SEC23A: variants seen among roughly 807,000 people sequenced by gnomAD.
SEC23A encodes protein transport protein Sec23A.
SEC23A carries 56 observed loss-of-function variants against 103.7 expected under a neutral mutation model. That is an observed-to-expected ratio of 0.54 (90% CI 0.44 to 0.67). The LOEUF (loss-of-function observed/expected upper bound fraction) is 0.67, where lower values mean the gene tolerates loss of function less well. SEC23A is among the 30% of genes least tolerant of loss of function. SEC23A has a pLI of 0.00. For synonymous variants in SEC23A, 281 were observed against 293.0 expected (o/e 0.96, Z 0.42); for missense variants, 784 against 936.4 (o/e 0.84, Z 2.12).
At chr14:39,091,192 C>T (rs1200019348) in intron 5 of SEC23A, 1 of 464,906 alleles carries the variant, frequency 2.2e-6, no homozygotes, top group Middle Eastern at 6.2e-4. Context: ...CTCTCTTAGC[C>T]TTCAGCATGA....
chr14:39,033,406 A>G (rs1445551200), intron 19 of SEC23A, 78 bp from the exon 20 acceptor site: 1 of 963,568 alleles, frequency 1.0e-6, no homozygotes, highest in African/African-American at 2.3e-5. Context: ...TTTAAAATAG[A>G]CAAGGAAATC....
At chr14:39,094,395 CACATATATATATATATATATATAT>C (rs1887793739) in intron 2 of SEC23A, among the ~76,000 whole-genome samples, 2 of 11,096 alleles carry the variant, frequency 1.8e-4, no homozygotes, top group African/African-American at 4.3e-4. Flanking sequence ...CACACACACA[CACATATATATATATATATATATAT>C]ATATATATAT....
chr14:39,061,918 G>C, intron 12 of SEC23A, 47 bp from the exon 13 acceptor site: 1 of 1,177,692 alleles, frequency 8.5e-7, no homozygotes, highest in South Asian at 1.2e-5. Flanking sequence ...TTACTATGCT[G>C]TTGTCATATA....
chr14:39,046,359 G>A (rs1349327404), intron 15 of SEC23A, among the ~76,000 whole-genome samples: 1 of 152,132 alleles, frequency 6.6e-6, no homozygotes, highest in Non-Finnish European at 1.5e-5. Context: ...TGTAATCTCA[G>A]CTACTCGGGA....
chr14:39,055,554 C>A (rs12882909), intron 13 of SEC23A, among the ~76,000 whole-genome samples: 2 of 151,796 alleles, frequency 1.3e-5, no homozygotes, highest in Non-Finnish European at 2.9e-5. Flanking sequence ...ATTACAGGCA[C>A]CTGCCACCAG....
rs1195135501 is a variant in SEC23A, at chr14:39,032,094, C to T, written c.*1145G>A. 1.3e-5 allele frequency: 2 copies of T among 152,552 alleles called. No individual in the cohort carries two copies. The highest frequency in any genetic ancestry group is 2.9e-5 in the Non-Finnish European group (2 of 68,004). The allele number at this position is 152,552 out of a possible 1,614,324, so 9.4% of individuals were successfully genotyped here. ...TGCAAGTACAATCATTAAAACTGTC[C>T]TCCTAAGCATATATCATAGCACCAC... On this transcript the variant is annotated 3_prime_UTR_variant, in exon 20 of 20. Coordinates refer to ENST00000307712, the MANE Select transcript of SEC23A (RefSeq NM_006364.4).
intron 1 of SEC23A, among the ~76,000 whole-genome samples, chr14:39,099,572 T>C (rs1231081552): frequency 6.6e-6 from 1 of 152,174 alleles, no homozygotes; most frequent in East Asian, 1.9e-4. Flanking sequence ...TGATAGTATA[T>C]AACAAAATGT....
intron 9 of SEC23A, 22 bp downstream of exon 9, chr14:39,074,392 AC>A: frequency 1.4e-6 from 2 of 1,437,200 alleles, no homozygotes; most frequent in South Asian, 1.1e-5. Context: ...AATTACAAAA[AC>A]TGTAAAAATT....
chr14:39,062,987 T>A (rs1886531136), intron 12 of SEC23A, among the ~76,000 whole-genome samples: 1 of 152,148 alleles, frequency 6.6e-6, no homozygotes, highest in African/African-American at 2.4e-5. Flanking sequence ...GCTAGACATC[T>A]AATTGCAAAA....
At position 39,038,284 on chromosome 14, in the gene SEC23A, A is replaced by G. The variant is rs113087747; in HGVS notation, c.2208+747T>C. 8.6e-3 allele frequency among the ~76,000 whole-genome samples: 1,316 copies of G among 152,200 alleles called. 7 individuals carry two copies. Among genetic ancestry groups the G allele is most frequent in the Non-Finnish European group, 0.013 (900 of 68,022 alleles). On this transcript the variant is annotated intron_variant, in intron 19 of 19. Transcript: ENST00000307712. ...TACACACCCTCTTCCTGCTACCACT[A>G]TGTGACCTCTTGCCATCTTCCTCTT...
intron 7 of SEC23A, among the ~76,000 whole-genome samples, chr14:39,083,005 G>A (rs1247229732): frequency 6.6e-6 from 1 of 152,156 alleles, no homozygotes; most frequent in Non-Finnish European, 1.5e-5. Context: ...AACTTGAATG[G>A]GGTCTGAGAA....
intron 9 of SEC23A, among the ~76,000 whole-genome samples, chr14:39,069,999 A>G (rs991466202): frequency 3.3e-5 from 5 of 152,194 alleles, no homozygotes; most frequent in African/African-American, 1.2e-4. Context: ...ATCTCCTCTC[A>G]TTAGAACTGT....
chr14:39,069,281 T>C (rs1018476091), intron 9 of SEC23A, among the ~76,000 whole-genome samples: 1 of 152,160 alleles, frequency 6.6e-6, no homozygotes, highest in African/African-American at 2.4e-5. Context: ...TTTTAAACTA[T>C]TAAGTCAGAT....
Position 39,063,432 on chromosome 14 carries a change from G to A in SEC23A, c.1309-19C>T. Reference sequence around the variant, plus strand: ...CTATCTCCTGTAAAAATAAAATATAGCATGTTTGAAAGCTAGAGACACAAT... The same window carrying A: ...CTATCTCCTGTAAAAATAAAATATAACATGTTTGAAAGCTAGAGACACAAT... On this transcript the variant is annotated intron_variant, in intron 11 of 19. Coordinates refer to ENST00000307712, the MANE Select transcript of SEC23A (RefSeq NM_006364.4). 6.8e-7 allele frequency: 1 copy of A among 1,470,758 alleles called. No individual in the cohort carries two copies. Among genetic ancestry groups the A allele is most frequent in the Non-Finnish European group, 9.5e-7 (1 of 1,051,556 alleles). The allele number at this position is 1,470,758 out of a possible 1,614,324, so 91.1% of individuals were successfully genotyped here.
intron 19 of SEC23A, 25 bp downstream of exon 19, chr14:39,039,006 T>G (rs1342779089): frequency 6.4e-7 from 1 of 1,568,578 alleles, no homozygotes; most frequent in South Asian, 1.1e-5. Flanking sequence ...AGAAATAATT[T>G]CCAAGACCTG....
intron 2 of SEC23A, among the ~76,000 whole-genome samples, chr14:39,095,235 G>A (rs1887845073): frequency 6.6e-6 from 1 of 152,058 alleles, no homozygotes; most frequent in African/African-American, 2.4e-5. Flanking sequence ...GATGATTCCT[G>A]AGATTTTGGC....
At chr14:39,057,518 C>T (rs1031823693) in intron 13 of SEC23A, among the ~76,000 whole-genome samples, 1 of 152,116 alleles carries the variant, frequency 6.6e-6, no homozygotes, top group Non-Finnish European at 1.5e-5. Flanking sequence ...GCACGGACCA[C>T]CATGCCCAGC....
chr14:39,074,435 T>C lies in SEC23A; in HGVS notation c.1083A>G (p.Lys361=), dbSNP rs1195584785. The C allele has an allele frequency of 1.2e-6, 2 of 1,611,570 alleles. No homozygotes were observed. Among genetic ancestry groups the C allele is most frequent in the Non-Finnish European group, 1.7e-6 (2 of 1,177,892 alleles). ...ALDQTGLLEM[K]CCPNLTGGYM... ...CATACCCAGTAAGGTTGGGACAGCA[T>C]TTCATCTCCAGGAGACCTGTCTGAT... is the stretch of plus-strand genomic sequence containing the variant. Residue 361 remains lysine (K), a synonymous_variant, in exon 9 of 20, where the codon AAA becomes AAG. Transcript: ENST00000307712.
chr14:39,102,216 A>G (rs1247476295), intron 1 of SEC23A, among the ~76,000 whole-genome samples: 1 of 152,066 alleles, frequency 6.6e-6, no homozygotes, highest in Admixed American at 6.6e-5. Context: ...TGGGCGACAA[A>G]GCAAGACTCC....
Sources: gnomAD v4.1 joint callset for allele counts (sites outside exome capture counted in the v4.1 genomes callset) on GRCh38, gnomAD v4.1.1 for gene constraint, MANE v1.5 for transcripts, NCBI Gene and HGNC (gene_info 2026-07-23, HGNC 2026-07-21) for gene names.